CDH12: variants seen among roughly 807,000 people sequenced by gnomAD.
CDH12 encodes the protein cadherin-12.
CDH12 carries 41 observed loss-of-function variants against 74.1 expected under a neutral mutation model. That is an observed-to-expected ratio of 0.55 (90% CI 0.43 to 0.72). The LOEUF (loss-of-function observed/expected upper bound fraction) is 0.72. CDH12 is among the 30% of genes least tolerant of loss of function. CDH12 has a pLI of 0.00. For missense variants in CDH12, 945 were observed against 977.2 expected, an observed-to-expected ratio of 0.97 and a Z score of 0.44; for synonymous variants, 399 against 355.0, an observed-to-expected ratio of 1.12 and a Z score of -1.39.
chr5:21,891,141 T>C (rs1381535156), intron 6 of CDH12, among the ~76,000 whole-genome samples: 1 of 152,104 alleles, frequency 6.6e-6, no homozygotes, highest in Non-Finnish European at 1.5e-5. Flanking sequence ...AATTGCAATT[T>C]ATAGTTCTGT....
chr5:21,889,405 C>T (rs578200976), intron 6 of CDH12, among the ~76,000 whole-genome samples: 1 of 152,252 alleles, frequency 6.6e-6, no homozygotes, highest in East Asian at 1.9e-4. Context: ...TGAACACATT[C>T]CCTGACCTGT....
At chr5:22,707,235 A>G (rs1325812352) in intron 1 of CDH12, among the ~76,000 whole-genome samples, 1 of 152,214 alleles carries the variant, frequency 6.6e-6, no homozygotes, top group Non-Finnish European at 1.5e-5. Flanking sequence ...GAACATACAG[A>G]CTAATTGTTA....
At chr5:22,402,192 T>C (rs1198526284) in intron 3 of CDH12, among the ~76,000 whole-genome samples, 2 of 152,190 alleles carry the variant, frequency 1.3e-5, no homozygotes, top group Non-Finnish European at 1.5e-5. Context: ...CAGAAGTTGG[T>C]AGAATGTGGA....
chr5:22,081,795 CT>C (rs2150228918), intron 4 of CDH12, among the ~76,000 whole-genome samples: 1 of 152,320 alleles, frequency 6.6e-6, no homozygotes, highest in East Asian at 1.9e-4. Flanking sequence ...AAAATCTGAG[CT>C]GTGGCTCCCT....
intron 4 of CDH12, among the ~76,000 whole-genome samples, chr5:22,104,397 A>G (rs556477063): frequency 1.3e-5 from 2 of 152,258 alleles, no homozygotes; most frequent in African/African-American, 4.8e-5. Flanking sequence ...GTATTTGGAA[A>G]GAGATATTGC....
intron 3 of CDH12, among the ~76,000 whole-genome samples, chr5:22,392,374 G>A (rs529010629): frequency 6.6e-5 from 10 of 152,204 alleles, no homozygotes; most frequent in Non-Finnish European, 2.9e-5. Flanking sequence ...CCACCTGTTC[G>A]TTCCCTACTT....
intron 1 of CDH12, among the ~76,000 whole-genome samples, chr5:22,622,544 C>A (rs115792090): frequency 6.6e-6 from 1 of 152,286 alleles, no homozygotes; most frequent in African/African-American, 2.4e-5. Flanking sequence ...CTATAAACAT[C>A]TCAACTCAAA....
intron 5 of CDH12, among the ~76,000 whole-genome samples, chr5:22,033,268 C>A (rs1039904325): frequency 3.3e-5 from 5 of 152,118 alleles, no homozygotes; most frequent in Non-Finnish European, 7.4e-5. Context: ...ACAAACCAAG[C>A]AAGGTTGGAA....
intron 1 of CDH12, among the ~76,000 whole-genome samples, chr5:22,824,464 T>C (rs1202422534): frequency 6.6e-6 from 1 of 152,134 alleles, no homozygotes; most frequent in African/African-American, 2.4e-5. Flanking sequence ...TTTATAAATG[T>C]AAATAACATA....
At chr5:21,889,356 G>A (rs1355235379) in intron 6 of CDH12, among the ~76,000 whole-genome samples, 2 of 152,088 alleles carry the variant, frequency 1.3e-5, no homozygotes, top group African/African-American at 4.8e-5. Context: ...TCACTGCAGG[G>A]GGATTATTAC....
intron 1 of CDH12, among the ~76,000 whole-genome samples, chr5:22,840,277 T>C (rs188424103): frequency 6.6e-6 from 1 of 151,962 alleles, no homozygotes; most frequent in African/African-American, 2.4e-5. Flanking sequence ...CGAGCCACCA[T>C]ACCCGGCTAA....
chr5:22,594,559 T>C (rs1318423215), intron 1 of CDH12, among the ~76,000 whole-genome samples: 1 of 152,108 alleles, frequency 6.6e-6, no homozygotes, highest in Admixed American at 6.6e-5. Flanking sequence ...TTAGGCATAA[T>C]GCTGAGAAGA....
chr5:22,476,995 G>C (rs1746194757), intron 2 of CDH12, among the ~76,000 whole-genome samples: 1 of 152,020 alleles, frequency 6.6e-6, no homozygotes, highest in Non-Finnish European at 1.5e-5. Flanking sequence ...CCATCAATAG[G>C]CCTTTTTTCT....
chr5:22,568,552 G>A (rs1402661580), intron 1 of CDH12, among the ~76,000 whole-genome samples: 1 of 152,064 alleles, frequency 6.6e-6, no homozygotes, highest in African/African-American at 2.4e-5. Context: ...AGTGATGTAG[G>A]CAACAGAATG....
At chr5:22,624,529 CATTT>C (rs1333256390) in intron 1 of CDH12, among the ~76,000 whole-genome samples, 1 of 152,148 alleles carries the variant, frequency 6.6e-6, no homozygotes, top group African/African-American at 2.4e-5. Flanking sequence ...CAAAAGAAGA[CATTT>C]ATGTAGCCAA....
chr5:22,655,999 A>T (rs1055697080), intron 1 of CDH12, among the ~76,000 whole-genome samples: 3 of 152,146 alleles, frequency 2.0e-5, no homozygotes, highest in Non-Finnish European at 4.4e-5. Flanking sequence ...ACAAATGCCG[A>T]TTTGGGACTA....
chr5:22,397,387 C>G (rs571237771), intron 3 of CDH12, among the ~76,000 whole-genome samples: 57 of 151,430 alleles, frequency 3.8e-4, no homozygotes, highest in Non-Finnish European at 7.2e-4. Context: ...AATTGTGTAT[C>G]TTATTTTCAG....
intron 2 of CDH12, among the ~76,000 whole-genome samples, chr5:22,491,515 G>T (rs1746862171): frequency 6.6e-6 from 1 of 151,172 alleles, no homozygotes; most frequent in Non-Finnish European, 1.5e-5. Flanking sequence ...TGGCTTATAG[G>T]GGTGTCCAAT....
chr5:22,480,230 T>G (rs1203501161), intron 2 of CDH12, among the ~76,000 whole-genome samples: 2 of 152,128 alleles, frequency 1.3e-5, no homozygotes. Context: ...AAAAGAGTTT[T>G]GGTTTTTGAC....
Sources: allele counts gnomAD v4.1 joint callset (sites outside exome capture counted in the v4.1 genomes callset), GRCh38; gene constraint gnomAD v4.1.1; transcripts MANE v1.5; gene names NCBI Gene and HGNC (gene_info 2026-07-23, HGNC 2026-07-21).